DHX29: variants seen among roughly 807,000 people sequenced by gnomAD.
The protein encoded by DHX29 is ATP-dependent RNA helicase DHX29.
In DHX29, 79 loss-of-function variants were observed where a neutral mutation model predicts 167.9. The ratio of observed to expected loss-of-function variants is 0.47; its 90% confidence interval spans 0.39 to 0.57. The LOEUF (loss-of-function observed/expected upper bound fraction) is 0.57, where lower values mean the gene tolerates loss of function less well. Ranked by LOEUF, DHX29 falls within the 20% of genes least tolerant of loss-of-function variation. The pLI is 0.00. For synonymous variants in DHX29, 530 were observed against 546.0 expected (o/e 0.97, Z 0.41); for missense variants, 1,347 against 1,593.4 (o/e 0.85, Z 2.63).
At chr5:55,306,619 C>T (rs1748876261) in intron 1 of DHX29, among the ~76,000 whole-genome samples, 1 of 152,216 alleles carries the variant, frequency 6.6e-6, no homozygotes, top group Non-Finnish European at 1.5e-5. Flanking sequence ...TCACATTCCT[C>T]ACATCTTATC....
intron 26 of DHX29, among the ~76,000 whole-genome samples, chr5:55,258,830 G>C (rs751304120): frequency 6.6e-6 from 1 of 152,250 alleles, no homozygotes; most frequent in Admixed American, 6.5e-5. Context: ...TGGGATTACA[G>C]GCAGGTGTCA....
chr5:55,284,734 T>C (rs1747624398), intron 10 of DHX29, among the ~76,000 whole-genome samples: 1 of 152,252 alleles, frequency 6.6e-6, no homozygotes, highest in Non-Finnish European at 1.5e-5. Context: ...GTATTGTTAA[T>C]ATAACCTAAA....
At chr5:55,305,103 ATGTTAACACATATCCATAAAAC>A (rs1203392474) in intron 1 of DHX29, among the ~76,000 whole-genome samples, 3 of 152,204 alleles carry the variant, frequency 2.0e-5, no homozygotes. Flanking sequence ...TACTGGGGAA[ATGTTAACACATATCCATAAAAC>A]TGTTCCTACC....
chr5:55,270,526 A>ATGTCACACAATACTGGTG (rs1250596607), intron 19 of DHX29, 39 bp from the exon 20 acceptor site: 1 of 1,613,192 alleles, frequency 6.2e-7, no homozygotes, highest in Non-Finnish European at 8.5e-7. Context: ...ATTATCAGAA[A>ATGTCACACAATACTGGTG]TGTCACACAA....
chr5:55,257,417 A>G (rs1006985001), intron 26 of DHX29, among the ~76,000 whole-genome samples: 16 of 152,144 alleles, frequency 1.1e-4, no homozygotes, highest in Non-Finnish European at 2.9e-5. Flanking sequence ...CAGGTCTAGA[A>G]AGAACGTTTT....
chr5:55,275,069 AAG>A, intron 14 of DHX29, 59 bp from the exon 15 acceptor site: 1 of 1,570,354 alleles, frequency 6.4e-7, no homozygotes, highest in African/African-American at 1.4e-5. Flanking sequence ...TTGTAAGACA[AAG>A]AAGGAAAAAA....
chr5:55,259,150 A>T (rs532898984), intron 26 of DHX29, among the ~76,000 whole-genome samples: 1 of 151,454 alleles, frequency 6.6e-6, no homozygotes, highest in Non-Finnish European at 1.5e-5. Context: ...TTGGCTTATT[A>T]TTTTTTTTTA....
chr5:55,289,728 A>G (rs942424763), intron 7 of DHX29, among the ~76,000 whole-genome samples: 2 of 152,158 alleles, frequency 1.3e-5, no homozygotes, highest in Admixed American at 6.5e-5. Flanking sequence ...ATCTTCATTA[A>G]AATAAATACT....
rs752682712 is a variant in DHX29 at position 55,307,413 on chromosome 5, C to CCGGCAG, written c.155_160dup (p.Ala52_Ala53dup). On this transcript the variant is annotated inframe_insertion, in exon 1 of 27. Coordinates refer to ENST00000251636, the MANE Select transcript of DHX29 (RefSeq NM_019030.4). ...TTGCTTGACACGGGGCTCCCTGGAGCCGGCAGCGGCAGCGGCAGCGGTGGC... is the reference window on the plus strand; with the variant it reads ...TTGCTTGACACGGGGCTCCCTGGAGCCGGCAGCGGCAGCGGCAGCGGCAGCGGTGGC... 295 of 1,612,974 alleles carry CCGGCAG rather than the reference C, an allele frequency of 1.8e-4. No individual in the cohort carries two copies. The highest frequency in any genetic ancestry group is 1.6e-3 in the African/African-American group (122 of 75,060).
chr5:55,290,449 C>G (rs1747985723), intron 6 of DHX29, 105 bp from the exon 7 acceptor site: 2 of 1,325,920 alleles, frequency 1.5e-6, no homozygotes, highest in Non-Finnish European at 2.0e-6. Context: ...TTTACCTTAT[C>G]CTTTGATCCA....
chr5:55,296,101 CT>C (rs746025211), intron 4 of DHX29, 118 bp downstream of exon 4: 3 of 1,119,654 alleles, frequency 2.7e-6, no homozygotes, highest in Non-Finnish European at 3.7e-6. Context: ...GGTAAGAACA[CT>C]TTAAAAGTAA....
At chr5:55,304,052 TC>T (rs1202709424) in intron 1 of DHX29, among the ~76,000 whole-genome samples, 3 of 152,052 alleles carry the variant, frequency 2.0e-5, no homozygotes, top group Admixed American at 6.5e-5. Context: ...TTGGTCTCAG[TC>T]ATAACATGAT....
chr5:55,276,069 A>ATT (rs1579775134), intron 14 of DHX29, among the ~76,000 whole-genome samples, 197 bp downstream of exon 14: 1 of 152,348 alleles, frequency 6.6e-6, no homozygotes, highest in East Asian at 1.9e-4. Context: ...CAATCAAAGT[A>ATT]TCACAAATCA....
At position 55,302,557 on chromosome 5, in the gene DHX29, T is replaced by C. The variant is rs561070499; in HGVS notation, c.188-3893A>G. Among the ~76,000 whole-genome samples, 130 of 149,210 alleles carry C rather than the reference T, an allele frequency of 8.7e-4. 1 individual carries two copies. The highest frequency in any genetic ancestry group is 7.0e-4 in the Non-Finnish European group (47 of 67,590). ...ATTGCTTGAGCCTGGGAGGCAGAGA[T>C]TGTAGTGAGCCACTGGGCGACAGAG... On this transcript the variant is annotated intron_variant, in intron 1 of 26. Coordinates refer to ENST00000251636, the MANE Select transcript of DHX29 (RefSeq NM_019030.4).
chr5:55,302,797 T>G (rs1408929522), intron 1 of DHX29, among the ~76,000 whole-genome samples: 2 of 152,160 alleles, frequency 1.3e-5, no homozygotes, highest in African/African-American at 4.8e-5. Context: ...CAAGGAATCC[T>G]GCTCAACATT....
chr5:55,305,208 A>G (rs539031175), intron 1 of DHX29, among the ~76,000 whole-genome samples: 79 of 152,388 alleles, frequency 5.2e-4, no homozygotes, highest in African/African-American at 1.9e-3. Context: ...ACTATCAAAA[A>G]GAATGATTTA....
Position 55,277,055 on chromosome 5 carries a change from C to T in DHX29, c.2286+51G>A, listed in dbSNP as rs369990473. On this transcript the variant is annotated intron_variant, in intron 13 of 26. Transcript: ENST00000251636. ...AAGTGCCCATCTTCTAGGGAAAGAACCTGGTGGGAATGCAGTTTCTGCTTA... is the reference window on the plus strand; with the variant it reads ...AAGTGCCCATCTTCTAGGGAAAGAATCTGGTGGGAATGCAGTTTCTGCTTA... 2.9e-6 allele frequency: 4 copies of T among 1,374,138 alleles called. No individual in the cohort carries two copies. The African/African-American group carries it at 4.4e-5, about 15-fold the overall frequency. The allele number at this position is 1,374,138 out of a possible 1,614,324, so 85.1% of individuals were successfully genotyped here. A position where few individuals can be genotyped will look rare whatever the true frequency, so the allele number is the denominator to read the frequency against.
At chr5:55,302,655 A>T (rs983234530) in intron 1 of DHX29, among the ~76,000 whole-genome samples, 1 of 152,052 alleles carries the variant, frequency 6.6e-6, no homozygotes, top group African/African-American at 2.4e-5. Context: ...ATTAAAGTAA[A>T]ATTCTCATTT....
At chr5:55,256,589 AT>A in intron 26 of DHX29, 49 bp from the exon 27 acceptor site, 1 of 1,554,792 alleles carries the variant, frequency 6.4e-7, no homozygotes, top group Non-Finnish European at 8.6e-7. Flanking sequence ...ACATTGTCTA[AT>A]TTTCCAAGGT....
Sources: allele counts gnomAD v4.1 joint callset (sites outside exome capture counted in the v4.1 genomes callset), GRCh38; gene constraint gnomAD v4.1.1; transcripts MANE v1.5; gene names NCBI Gene and HGNC (gene_info 2026-07-23, HGNC 2026-07-21).